The following ZNF777 variants were observed in gnomAD, a reference collection of about 807,000 sequenced individuals.
ZNF777 encodes zinc finger protein 777.
In ZNF777, 7 loss-of-function variants were observed where a neutral mutation model predicts 72.1. That is an observed-to-expected ratio of 0.10 (90% CI 0.06 to 0.18). ZNF777 has a LOEUF of 0.18. Ranked by LOEUF, ZNF777 falls within the 10% of genes least tolerant of loss-of-function variation. The pLI is 1.00. For missense variants in ZNF777, 828 were observed against 1,128.6 expected (o/e 0.73, Z 3.82); for synonymous variants, 545 against 483.5 (o/e 1.13, Z -1.67).
chr7:149,446,569 TA>T (rs1799607140), intron 4 of ZNF777, among the ~76,000 whole-genome samples: 1 of 152,234 alleles, frequency 6.6e-6, no homozygotes, highest in Admixed American at 6.5e-5. Flanking sequence ...AGTTTTTTTT[TA>T]ATCTACTTTT....
intron 1 of ZNF777, among the ~76,000 whole-genome samples, chr7:149,456,277 C>T (rs1799831765): frequency 6.6e-6 from 1 of 152,090 alleles, no homozygotes; most frequent in Admixed American, 6.6e-5. Context: ...GAGCCATCTC[C>T]TTTTTCACAA....
At chr7:149,451,986 C>T (rs1401438236) in intron 3 of ZNF777, among the ~76,000 whole-genome samples, 1 of 152,242 alleles carries the variant, frequency 6.6e-6, no homozygotes, top group Non-Finnish European at 1.5e-5. Flanking sequence ...CACAAGTTCA[C>T]TGGGCACAGT....
At chr7:149,453,680 G>A (rs1015124064) in intron 3 of ZNF777, among the ~76,000 whole-genome samples, 2 of 152,208 alleles carry the variant, frequency 1.3e-5, no homozygotes, top group Non-Finnish European at 2.9e-5. Flanking sequence ...GGCTGTGCAG[G>A]TCCAAGGAGA....
At chr7:149,457,726 C>T (rs1285427719) in intron 1 of ZNF777, among the ~76,000 whole-genome samples, 3 of 152,316 alleles carry the variant, frequency 2.0e-5, no homozygotes, top group East Asian at 1.9e-4. Flanking sequence ...CAGACATGAG[C>T]GCTAATCAGC....
At chr7:149,438,658 AAAG>A (rs1799459360) in intron 4 of ZNF777, among the ~76,000 whole-genome samples, 1 of 152,206 alleles carries the variant, frequency 6.6e-6, no homozygotes, top group South Asian at 2.1e-4. Flanking sequence ...GAAAAAGAGA[AAAG>A]AAGCCAGGAG....
intron 1 of ZNF777, among the ~76,000 whole-genome samples, chr7:149,457,219 G>A (rs1259098841): frequency 6.6e-6 from 1 of 152,188 alleles, no homozygotes; most frequent in Non-Finnish European, 1.5e-5. Flanking sequence ...TCACTGGGGA[G>A]GCGAAGCCAC....
At chr7:149,440,893 A>G (rs10245087) in intron 4 of ZNF777, among the ~76,000 whole-genome samples, 56,784 of 151,692 alleles carry the variant, frequency 0.37, 10,652 homozygotes, top group South Asian at 0.42. Flanking sequence ...AGTGCCTTCA[A>G]TACCTGGCCC....
intron 1 of ZNF777, chr7:149,459,989 C>T (rs895914476): frequency 1.0e-6 from 1 of 952,782 alleles, no homozygotes; most frequent in East Asian, 1.2e-4. Flanking sequence ...CCAGGGCGCC[C>T]CCACCCCCCG....
In ZNF777 at chr7:149,432,572, T is replaced by G. The variant is rs372374079; in HGVS notation, c.1700A>C (p.Asn567Thr). The G allele has an allele frequency of 1.2e-6, 2 of 1,613,208 alleles. No individual in the cohort carries two copies. The highest frequency in any genetic ancestry group is 1.7e-6 in the Non-Finnish European group (2 of 1,179,620). The change falls in exon 6 of 6, where the codon AAC becomes ACC. Residue 567 changes from asparagine (N) to threonine (T), a missense_variant. Physicochemically the swap from Asn to Thr is moderately conservative, Grantham distance 65 (BLOSUM62 0). Coordinates refer to ENST00000247930, the MANE Select transcript of ZNF777 (RefSeq NM_015694.3). ...LKINLIIHQRNHIKEGPYECA... is the reference protein window; with the variant it reads ...LKINLIIHQRTHIKEGPYECA... Reference sequence around the variant, plus strand: ...CTCGTAGGGCCCCTCCTTGATGTGGTTGCGCTGGTGGATGATGAGGTTGAT... The same window carrying G: ...CTCGTAGGGCCCCTCCTTGATGTGGGTGCGCTGGTGGATGATGAGGTTGAT...
intron 4 of ZNF777, among the ~76,000 whole-genome samples, chr7:149,443,557 T>A (rs927654720): frequency 1.3e-5 from 2 of 152,190 alleles, no homozygotes; most frequent in African/African-American, 2.4e-5. Flanking sequence ...TACTGTTAGG[T>A]TTTTTTAATT....
chr7:149,441,527 T>C (rs1378678419), intron 4 of ZNF777, among the ~76,000 whole-genome samples: 1 of 152,238 alleles, frequency 6.6e-6, no homozygotes, highest in East Asian at 1.9e-4. Flanking sequence ...TCTTATCAAC[T>C]ATAAATTTTG....
chr7:149,442,216 CAAAAA>C (rs528928411), intron 4 of ZNF777, among the ~76,000 whole-genome samples: 3 of 83,140 alleles, frequency 3.6e-5, no homozygotes, highest in African/African-American at 9.5e-5. Flanking sequence ...GACTCTGTCT[CAAAAA>C]AAAAAAAAAA....
At chr7:149,457,761 C>G (rs1226095835) in intron 1 of ZNF777, among the ~76,000 whole-genome samples, 1 of 152,222 alleles carries the variant, frequency 6.6e-6, no homozygotes, top group African/African-American at 2.4e-5. Flanking sequence ...AATTATCCAG[C>G]ATTTATTATG....
chr7:149,457,787 T>C (rs1391593261), intron 1 of ZNF777, among the ~76,000 whole-genome samples: 1 of 152,250 alleles, frequency 6.6e-6, no homozygotes, highest in African/African-American at 2.4e-5. Flanking sequence ...TGAGCTGTGT[T>C]AAGCATTTTA....
intron 4 of ZNF777, among the ~76,000 whole-genome samples, chr7:149,442,274 TACACACACACACAC>T (rs148217571): frequency 1.4e-5 from 2 of 138,508 alleles, no homozygotes; most frequent in Admixed American, 7.2e-5. Flanking sequence ...AAACTGCTAT[TACACACACACACAC>T]ACACACACAC....
At chr7:149,444,494 C>T (rs771526935) in intron 4 of ZNF777, among the ~76,000 whole-genome samples, 4 of 152,202 alleles carry the variant, frequency 2.6e-5, no homozygotes, top group Non-Finnish European at 5.9e-5. Flanking sequence ...CCTGGAGTGC[C>T]TCCACCTCTC....
intron 4 of ZNF777, among the ~76,000 whole-genome samples, chr7:149,447,848 G>A (rs889456670): frequency 6.6e-6 from 1 of 152,054 alleles, no homozygotes; most frequent in Non-Finnish European, 1.5e-5. Context: ...CACAGCTGGT[G>A]CCCGTGCTTT....
intron 3 of ZNF777, among the ~76,000 whole-genome samples, chr7:149,452,815 A>T (rs1325120422): frequency 6.6e-6 from 1 of 152,216 alleles, no homozygotes; most frequent in African/African-American, 2.4e-5. Context: ...AGTAGCCATA[A>T]AACTATAAAT....
Position 149,432,192 on chromosome 7 carries a change from A to C in ZNF777, c.2080T>G (p.Phe694Val). Residue 694 changes from phenylalanine to valine, a missense_variant, in exon 6 of 6, where the codon TTC becomes GTC. By Grantham distance (50) the Phe-to-Val change is conservative (BLOSUM62 -1). Transcript: ENST00000247930. ...CTCTTGCCGCACAGGCTGCAGATGA[A>C]GGAGACCTCATGCTTGCCCGCGTGC... ...RVHAGKHEVS[F>V]ICSLCGKSFS... The C allele has an allele frequency of 6.2e-7, 1 of 1,605,430 alleles. No homozygotes were observed. The highest frequency in any genetic ancestry group is 8.5e-7 in the Non-Finnish European group (1 of 1,179,758).
Sources: gnomAD v4.1 joint callset for allele counts (sites outside exome capture counted in the v4.1 genomes callset) on GRCh38, gnomAD v4.1.1 for gene constraint, MANE v1.5 for transcripts, NCBI Gene and HGNC (gene_info 2026-07-23, HGNC 2026-07-21) for gene names.